The following ZBTB18 variants were observed in gnomAD, a reference collection of about 807,000 sequenced individuals.
ZBTB18 encodes zinc finger and BTB domain-containing protein 18.
Under a neutral mutation model 37.7 loss-of-function variants are expected in ZBTB18, and 2 were observed. The observed-to-expected ratio is 0.05, with a 90% CI of 0.02 to 0.17. ZBTB18 has a LOEUF of 0.17. Among genes scored for constraint, ZBTB18 ranks in the 10% least tolerant of loss-of-function variants. The probability of loss-of-function intolerance (pLI) is 1.00; values close to 1 mark genes in which losing one functional copy is unlikely to be tolerated. For missense variants in ZBTB18, 408 were observed against 686.3 expected, an observed-to-expected ratio of 0.59 and a Z score of 4.53; for synonymous variants, 304 against 276.5, an observed-to-expected ratio of 1.10 and a Z score of -0.99.
chr1:244,053,993 T>G lies in ZBTB18; in HGVS notation c.219T>G (p.His73Gln). The G allele has an allele frequency of 6.2e-7, 1 of 1,614,130 alleles. No homozygotes were observed. The highest frequency in any genetic ancestry group is 1.1e-5 in the South Asian group (1 of 91,090). The change falls in exon 2 of 2, where the codon CAT (histidine) becomes CAG (glutamine). Residue 73 changes from histidine (H) to glutamine (Q), a missense_variant. By Grantham distance (24) the His-to-Gln change is conservative. This residue lies in a region of ZBTB18 where 95 missense variants were observed against 218.7 expected (regional missense o/e 0.43). Transcript: ENST00000358704. This position sits in a 1 kb window ranked among gnomAD's most constrained non-coding sequence, Gnocchi z 5.2. ...AGCTGGACAAAAGAGACATTGTTCA[T>G]CTGAACAGCGACATTGTTACAGCCC... Reference protein sequence around the residue: ...KDQLDKRDIVHLNSDIVTAPA... With the variant: ...KDQLDKRDIVQLNSDIVTAPA...
In ZBTB18 at chr1:244,055,384, T is replaced by G. The variant is rs1698443096; in HGVS notation, c.*14T>G. ...CTTTGGAAATAATTTTATATATATATAAATAATATATATATATATACATAT... is the reference window on the plus strand; with the variant it reads ...CTTTGGAAATAATTTTATATATATAGAAATAATATATATATATATACATAT... On this transcript the variant is annotated 3_prime_UTR_variant, in exon 2 of 2. Transcript: ENST00000358704. This position sits in a 1 kb window ranked among gnomAD's most constrained non-coding sequence, Gnocchi z 7.0. The G allele has an allele frequency of 9.2e-6, 7 of 761,470 alleles. No homozygotes were observed. The highest frequency in any genetic ancestry group is 1.3e-5 in the Non-Finnish European group (7 of 556,124). The allele number at this position is 761,470 out of a possible 1,614,324, so 47.2% of individuals were successfully genotyped here.
At position 244,057,283 on chromosome 1, in the gene ZBTB18, T is replaced by C. The variant is rs947913083; in HGVS notation, c.*1913T>C. 6.0e-6 allele frequency: 1 copy of C among 167,054 alleles called. No individual in the cohort carries two copies. The highest frequency in any genetic ancestry group is 1.5e-5 in the Non-Finnish European group (1 of 68,122). The allele number at this position is 167,054 out of a possible 1,614,324, so 10.3% of individuals were successfully genotyped here. Reference sequence around the variant, plus strand: ...TTCTTTTTGTGGTCATTGTGAGTGATTGCTTTTTCCTTTTCTTAGTTTCAC... The same window carrying C: ...TTCTTTTTGTGGTCATTGTGAGTGACTGCTTTTTCCTTTTCTTAGTTTCAC... On this transcript the variant is annotated 3_prime_UTR_variant, in exon 2 of 2. Transcript: ENST00000358704.
At chr1:244,048,944 G>A (rs570467998), upstream of ZBTB18, 8,061 of 160,386 alleles carry the variant, frequency 0.05, 273 homozygotes, top group Admixed American at 0.083. Context: ...AGGAGGAGGA[G>A]GCGGAGGACG....
Position 244,056,591 on chromosome 1 carries a change from C to G in ZBTB18, c.*1221C>G, listed in dbSNP as rs1431037444. 6.1e-6 allele frequency: 1 copy of G among 164,938 alleles called. No individual in the cohort carries two copies. Among genetic ancestry groups the G allele is most frequent in the Admixed American group, 6.6e-5 (1 of 15,130 alleles). 10.2% of individuals were successfully genotyped at this position (164,938 alleles called of 1,614,324 possible). On this transcript the variant is annotated 3_prime_UTR_variant, in exon 2 of 2. Transcript: ENST00000358704. ...GCACAAGTTGACAATAGGTCGTTCTCTCTTTTTTTTTGTTTGCTCCCTTTT... is the reference window on the plus strand; with the variant it reads ...GCACAAGTTGACAATAGGTCGTTCTGTCTTTTTTTTTGTTTGCTCCCTTTT...
Position 244,053,635 on chromosome 1 carries a change from G to A in ZBTB18, c.14-153G>A, listed in dbSNP as rs1238216628. On this transcript the variant is annotated intron_variant, in intron 1 of 1. Coordinates refer to ENST00000358704, the MANE Select transcript of ZBTB18 (RefSeq NM_205768.3). The surrounding 1 kb of genome is among the most constrained non-coding windows in gnomAD (Gnocchi z 5.2). ...TCCTTCTGGCATTTAGGTCTTGTCC[G>A]TGTGATTTGGTGGTGCTTGGGTCAT... 1.3e-5 allele frequency: 9 copies of A among 699,288 alleles called. No homozygotes were observed. The highest frequency in any genetic ancestry group is 6.4e-5 in the South Asian group (1 of 15,672). 43.3% of individuals were successfully genotyped at this position (699,288 alleles called of 1,614,324 possible). A position where few individuals can be genotyped will look rare whatever the true frequency, so the allele number is the denominator to read the frequency against.
chr1:244,055,697 T>C lies in ZBTB18; in HGVS notation c.*327T>C, dbSNP rs1050497148. 6.1e-6 allele frequency: 1 copy of C among 165,056 alleles called. No individual in the cohort carries two copies. The highest frequency in any genetic ancestry group is 1.9e-4 in the East Asian group (1 of 5,204). 10.2% of individuals were successfully genotyped at this position (165,056 alleles called of 1,614,324 possible). ...CAACACTGCATTGTCTTTTGAGCTC[T>C]TTTTTCCCCCCCAACAAAGTTTTTT... is the stretch of plus-strand genomic sequence containing the variant. On this transcript the variant is annotated 3_prime_UTR_variant, in exon 2 of 2. Transcript: ENST00000358704. The surrounding 1 kb of genome is among the most constrained non-coding windows in gnomAD (Gnocchi z 7.0).
upstream of ZBTB18, among the ~76,000 whole-genome samples, chr1:244,050,199 GCCT>G (rs1331301611): frequency 1.3e-5 from 2 of 152,152 alleles, no homozygotes; most frequent in Non-Finnish European, 2.9e-5. Context: ...GGACGCTGGC[GCCT>G]CAGGCCCCAG....
chr1:244,052,232 G>A (rs921307940), intron 1 of ZBTB18, among the ~76,000 whole-genome samples: 1 of 152,140 alleles, frequency 6.6e-6, no homozygotes, highest in Non-Finnish European at 1.5e-5. Context: ...TTCCTTCTTC[G>A]TCCCTCTCTG....
At chr1:244,048,706 G>C (rs1382340105), upstream of ZBTB18, among the ~76,000 whole-genome samples, 1 of 145,692 alleles carries the variant, frequency 6.9e-6, no homozygotes, top group Non-Finnish European at 1.5e-5. Flanking sequence ...CGCTGTGTCT[G>C]GCAGGCTGCG....
At chr1:244,049,333 G>A (rs1486141727), upstream of ZBTB18, among the ~76,000 whole-genome samples, 2 of 147,772 alleles carry the variant, frequency 1.4e-5, no homozygotes, top group Non-Finnish European at 3.0e-5. Context: ...AGCTGCGGTG[G>A]CGCCTCTCGG....
chr1:244,056,252 A>T lies in ZBTB18; in HGVS notation c.*882A>T, dbSNP rs1698465431. 1 of 167,062 alleles carries T rather than the reference A, an allele frequency of 6.0e-6. No homozygotes were observed. The highest frequency in any genetic ancestry group is 2.4e-5 in the African/African-American group (1 of 41,424). The allele number at this position is 167,062 out of a possible 1,614,324, so 10.3% of individuals were successfully genotyped here. On this transcript the variant is annotated 3_prime_UTR_variant, in exon 2 of 2. Coordinates refer to ENST00000358704, the MANE Select transcript of ZBTB18 (RefSeq NM_205768.3). ...GAGTTTAAAATTATTTAATTTCCTT[A>T]GAAAAATAACACCATTTGGAAAAAA...
Position 244,055,325 on chromosome 1 carries a change from C to G in ZBTB18, c.1551C>G (p.Val517=), listed in dbSNP as rs755122855. ...GCGAAGCACTGAGCTTGCCTACTGT[C>G]AGAGACTGGACCTTAGAAGATAGCT... ...VKSEALSLPT[V]RDWTLEDSSQ... is the part of the protein sequence containing the mutation. The change falls in exon 2 of 2, where the codon GTC becomes GTG. Residue 517 remains valine, a synonymous_variant. Transcript: ENST00000358704. The surrounding 1 kb of genome is among the most constrained non-coding windows in gnomAD (Gnocchi z 7.0). The G allele has an allele frequency of 8.7e-6, 14 of 1,610,942 alleles. No homozygotes were observed. The East Asian group carries it at 3.1e-4, about 36-fold the overall frequency.
intron 1 of ZBTB18, among the ~76,000 whole-genome samples, chr1:244,052,478 GAATATT>G (rs1328336988): frequency 6.6e-6 from 1 of 152,206 alleles, no homozygotes; most frequent in Non-Finnish European, 1.5e-5. Context: ...AGTAATTTCT[GAATATT>G]AAATTAAGTG....
Position 244,055,017 on chromosome 1 carries a change from G to T in ZBTB18, c.1243G>T (p.Asp415Tyr). 1 of 1,614,172 alleles carries T rather than the reference G, an allele frequency of 6.2e-7. No homozygotes were observed. The highest frequency in any genetic ancestry group is 8.5e-7 in the Non-Finnish European group (1 of 1,180,032). Residue 415 changes from aspartate (D) to tyrosine (Y), a missense_variant, in exon 2 of 2, where the codon GAT becomes TAT. Asp to Tyr is a radical substitution (Grantham distance 160). Coordinates refer to ENST00000358704, the MANE Select transcript of ZBTB18 (RefSeq NM_205768.3). This position sits in a 1 kb window ranked among gnomAD's most constrained non-coding sequence, Gnocchi z 7.0. ...CGGCATCCGCAGCAAGCCCGCCGCCGATGTCAACGTGCCCACGTGCTCGCT... is the reference window on the plus strand; with the variant it reads ...CGGCATCCGCAGCAAGCCCGCCGCCTATGTCAACGTGCCCACGTGCTCGCT... Reference protein sequence around the residue: ...QDGIRSKPAADVNVPTCSLCG... With the variant: ...QDGIRSKPAAYVNVPTCSLCG...
upstream of ZBTB18, among the ~76,000 whole-genome samples, chr1:244,048,635 C>CA (rs1489862849): frequency 0.012 from 1,647 of 141,930 alleles, 62 homozygotes; most frequent in African/African-American, 0.039. Flanking sequence ...CCCGCCCCCC[C>CA]CCCGCCCCCG....
Position 244,055,387 on chromosome 1 carries a change from A to AAT in ZBTB18, c.*17_*18insAT. The AAT allele has an allele frequency of 2.8e-6, 2 of 707,416 alleles. No homozygotes were observed. The highest frequency in any genetic ancestry group is 3.9e-6 in the Non-Finnish European group (2 of 510,688). The allele number at this position is 707,416 out of a possible 1,614,324, so 43.8% of individuals were successfully genotyped here. On this transcript the variant is annotated 3_prime_UTR_variant, in exon 2 of 2. Coordinates refer to ENST00000358704, the MANE Select transcript of ZBTB18 (RefSeq NM_205768.3). This position sits in a 1 kb window ranked among gnomAD's most constrained non-coding sequence, Gnocchi z 7.0. Reference sequence around the variant, plus strand: ...TGGAAATAATTTTATATATATATAAATAATATATATATATATACATATATA... The same window carrying AAT: ...TGGAAATAATTTTATATATATATAAAATTAATATATATATATATACATATATA...
Position 244,056,585 on chromosome 1 carries a change from C to T in ZBTB18, c.*1215C>T, listed in dbSNP as rs1299345408. 1.3e-5 allele frequency: 2 copies of T among 159,232 alleles called. No individual in the cohort carries two copies. Among genetic ancestry groups the T allele is most frequent in the Admixed American group, 1.4e-4 (2 of 14,004 alleles). The allele number at this position is 159,232 out of a possible 1,614,324, so 9.9% of individuals were successfully genotyped here. ...ACTACTGCACAAGTTGACAATAGGT[C>T]GTTCTCTCTTTTTTTTTGTTTGCTC... On this transcript the variant is annotated 3_prime_UTR_variant, in exon 2 of 2. Coordinates refer to ENST00000358704, the MANE Select transcript of ZBTB18 (RefSeq NM_205768.3).
At position 244,054,750 on chromosome 1, in the gene ZBTB18, C is replaced by A. The variant is rs1009071069; in HGVS notation, c.976C>A (p.Leu326Met). 4 of 1,614,068 alleles carry A rather than the reference C, an allele frequency of 2.5e-6. No homozygotes were observed. Among genetic ancestry groups the A allele is most frequent in the African/African-American group, 1.3e-5 (1 of 74,932 alleles). Reference sequence around the variant, plus strand: ...GTATGAGCCGGCCCATCTGGCTCCCCTGAGGGAGGACTCGGTCTTGAGGGA... The same window carrying A: ...GTATGAGCCGGCCCATCTGGCTCCCATGAGGGAGGACTCGGTCTTGAGGGA... ...VQYEPAHLAP[L>M]REDSVLRELD... The change falls in exon 2 of 2, where the codon CTG becomes ATG. Residue 326 changes from leucine to methionine, a missense_variant. Physicochemically the swap from Leu to Met is conservative, Grantham distance 15. Coordinates refer to ENST00000358704, the MANE Select transcript of ZBTB18 (RefSeq NM_205768.3). The surrounding 1 kb of genome is among the most constrained non-coding windows in gnomAD (Gnocchi z 9.0).
Position 244,053,665 on chromosome 1 carries a change from C to T in ZBTB18, c.14-123C>T. The T allele has an allele frequency of 1.4e-6, 2 of 1,415,508 alleles. No individual in the cohort carries two copies. The highest frequency in any genetic ancestry group is 1.9e-6 in the Non-Finnish European group (2 of 1,060,550). The allele number at this position is 1,415,508 out of a possible 1,614,324, so 87.7% of individuals were successfully genotyped here. On this transcript the variant is annotated intron_variant, in intron 1 of 1. Transcript: ENST00000358704. This position sits in a 1 kb window ranked among gnomAD's most constrained non-coding sequence, Gnocchi z 5.2. ...ATTTGGTGGTGCTTGGGTCATAAGC[C>T]TGATTAAAATTCAGGGACATGTACC...
Sources: allele counts gnomAD v4.1 joint callset (sites outside exome capture counted in the v4.1 genomes callset), GRCh38; gene constraint gnomAD v4.1.1; regional missense constraint gnomAD v4.1.1; non-coding constraint Gnocchi (gnomAD v3.1); transcripts MANE v1.5; gene names NCBI Gene and HGNC (gene_info 2026-07-23, HGNC 2026-07-21).